Variants in HOMER2 observed in about 807,000 individuals in gnomAD.
HOMER2 encodes homer scaffold protein 2.
Under a neutral mutation model 47.0 loss-of-function variants are expected in HOMER2, and 27 were observed. The ratio of observed to expected loss-of-function variants is 0.57; its 90% CI spans 0.42 to 0.79. HOMER2 has a LOEUF of 0.79. HOMER2 is among the 30% of genes least tolerant of loss of function. HOMER2 has a pLI of 0.00. For synonymous variants in HOMER2, 161 were observed against 163.8 expected, an observed-to-expected ratio of 0.98 and a Z score of 0.13; for missense variants, 443 against 435.0, an observed-to-expected ratio of 1.02 and a Z score of -0.16.
At chr15:82,881,656 G>A (rs554195628) in intron 2 of HOMER2, among the ~76,000 whole-genome samples, 2 of 152,268 alleles carry the variant, frequency 1.3e-5, no homozygotes, top group Admixed American at 1.3e-4. Context: ...AGGAGTGGAC[G>A]AGCAGAGCCT....
intron 3 of HOMER2, 61 bp from the exon 4 acceptor site, chr15:82,864,320 A>G: frequency 9.0e-7 from 1 of 1,110,370 alleles, no homozygotes; most frequent in Non-Finnish European, 1.3e-6. Flanking sequence ...GGTATTCAGA[A>G]CCCACCTTTA....
chr15:82,906,234 T>C lies in HOMER2; in HGVS notation c.6-13393A>G, dbSNP rs546745369. 2.0e-5 allele frequency among the ~76,000 whole-genome samples: 3 copies of C among 152,096 alleles called. No homozygotes were observed. In the East Asian group the frequency reaches 5.8e-4, roughly 29 times the overall value. On this transcript the variant is annotated intron_variant, in intron 1 of 8. Coordinates refer to ENST00000450735, the MANE Select transcript of HOMER2 (RefSeq NM_004839.4). ...AAATAGAATCATATGAAATGCTCAA[T>C]TACAACTACAAAAGGCAGAAAAAGT...
chr15:82,962,364 CAAAA>C (rs34651312), intron 1 of HOMER2, among the ~76,000 whole-genome samples: 1 of 44,282 alleles, frequency 2.3e-5, no homozygotes, highest in Non-Finnish European at 4.8e-5. Context: ...GACTCCGTCT[CAAAA>C]AAAAAAAAAA....
intron 1 of HOMER2, among the ~76,000 whole-genome samples, chr15:82,920,881 C>T (rs2053711426): frequency 1.4e-5 from 2 of 147,480 alleles, no homozygotes; most frequent in Admixed American, 1.4e-4. Context: ...CAAAGTCTTA[C>T]TATGTTGCCC....
chr15:82,840,117 G>C (rs552873498), exon 2 of HOMER2: 1 of 152,162 alleles, frequency 6.6e-6, no homozygotes, highest in East Asian at 1.9e-4. Context: ...AAGAGATATG[G>C]ATAAAGATGT....
intron 1 of HOMER2, among the ~76,000 whole-genome samples, chr15:82,923,313 C>T (rs2053778145): frequency 1.3e-5 from 2 of 151,916 alleles, no homozygotes; most frequent in Admixed American, 1.3e-4. Context: ...TGGTGAAACC[C>T]CATCTCTACT....
intron 1 of HOMER2, among the ~76,000 whole-genome samples, chr15:82,981,850 G>C (rs796370668): frequency 4.6e-5 from 7 of 152,144 alleles, no homozygotes; most frequent in African/African-American, 1.7e-4. Context: ...GCAGAGGGGA[G>C]AGGAAAATAC....
At chr15:82,916,469 C>T (rs1037641380) in intron 1 of HOMER2, among the ~76,000 whole-genome samples, 19 of 152,018 alleles carry the variant, frequency 1.2e-4, no homozygotes, top group African/African-American at 2.7e-4. Flanking sequence ...AAGGGTCTTC[C>T]GACAGGATTG....
intron 1 of HOMER2, among the ~76,000 whole-genome samples, chr15:82,976,399 G>C (rs566205053): frequency 1.3e-5 from 2 of 152,154 alleles, no homozygotes; most frequent in South Asian, 4.2e-4. Context: ...CCGGGTTCAA[G>C]CGATGCTCCT....
Position 82,876,625 on chromosome 15 carries a change from G to A in HOMER2, c.163-1221C>T, listed in dbSNP as rs529823939. 2.6e-4 allele frequency among the ~76,000 whole-genome samples: 39 copies of A among 152,332 alleles called. No individual in the cohort carries two copies. In the South Asian group the frequency reaches 6.8e-3, roughly 27 times the overall value. On this transcript the variant is annotated intron_variant, in intron 2 of 8. Coordinates refer to ENST00000450735, the MANE Select transcript of HOMER2 (RefSeq NM_004839.4). Reference sequence around the variant, plus strand: ...ATAACCACTGGCTGCTTCCCCATCAGATGATCTGAACAGGGAATAAGAGCA... The same window carrying A: ...ATAACCACTGGCTGCTTCCCCATCAAATGATCTGAACAGGGAATAAGAGCA...
chr15:82,901,257 G>C (rs2053106495), intron 1 of HOMER2, among the ~76,000 whole-genome samples: 1 of 152,180 alleles, frequency 6.6e-6, no homozygotes, highest in South Asian at 2.1e-4. Flanking sequence ...GAGACAGGCA[G>C]AGTTGTGGAG....
At chr15:82,965,038 G>C (rs1567077672) in intron 1 of HOMER2, among the ~76,000 whole-genome samples, 1 of 151,276 alleles carries the variant, frequency 6.6e-6, no homozygotes, top group Non-Finnish European at 1.5e-5. Flanking sequence ...TCTTTTTTTT[G>C]AGACAGGGTC....
At chr15:82,857,591 C>T (rs2051631501) in intron 5 of HOMER2, among the ~76,000 whole-genome samples, 3 of 151,868 alleles carry the variant, frequency 2.0e-5, no homozygotes, top group Admixed American at 1.3e-4. Flanking sequence ...TCACCGTGCC[C>T]GGCCAATTTT....
At chr15:82,849,953 A>G in intron 8 of HOMER2, 50 bp from the exon 9 acceptor site, 1 of 1,576,498 alleles carries the variant, frequency 6.3e-7, no homozygotes, top group Non-Finnish European at 8.7e-7. Flanking sequence ...GACGAGAGTC[A>G]TCCTTCAAAA....
intron 1 of HOMER2, among the ~76,000 whole-genome samples, chr15:82,916,053 T>C (rs569543431): frequency 6.6e-6 from 1 of 152,364 alleles, no homozygotes; most frequent in South Asian, 2.1e-4. Flanking sequence ...CCAGCCTAGC[T>C]ACAACTTTCT....
At chr15:82,985,227 T>C (rs2030550515) in intron 1 of HOMER2, among the ~76,000 whole-genome samples, 1 of 152,080 alleles carries the variant, frequency 6.6e-6, no homozygotes, top group Non-Finnish European at 1.5e-5. Flanking sequence ...TAAAAAAAGT[T>C]TTGAATCCAA....
chr15:82,836,766 A>G (rs2051131794), downstream of HOMER2, among the ~76,000 whole-genome samples: 1 of 152,252 alleles, frequency 6.6e-6, no homozygotes, highest in Non-Finnish European at 1.5e-5. Context: ...CTAGGGAATC[A>G]GGCAGGTGGT....
At chr15:82,909,817 T>A (rs536255788) in intron 1 of HOMER2, among the ~76,000 whole-genome samples, 5 of 152,294 alleles carry the variant, frequency 3.3e-5, no homozygotes, top group South Asian at 4.1e-4. Context: ...TACTGTATCC[T>A]ACAGTTACAT....
intron 3 of HOMER2, among the ~76,000 whole-genome samples, chr15:82,865,489 T>C (rs919796655): frequency 6.6e-6 from 1 of 152,172 alleles, no homozygotes; most frequent in African/African-American, 2.4e-5. Context: ...AAAAAAATCA[T>C]GTAAAAGACT....
Sources: allele counts gnomAD v4.1 joint callset (sites outside exome capture counted in the v4.1 genomes callset), GRCh38; gene constraint gnomAD v4.1.1; transcripts MANE v1.5; gene names NCBI Gene and HGNC (gene_info 2026-07-23, HGNC 2026-07-21).